The following G3BP1 variants were observed in gnomAD, a reference collection of about 807,000 sequenced individuals.
G3BP1 encodes the protein ras GTPase-activating protein-binding protein 1.
Under a neutral mutation model 58.6 loss-of-function variants are expected in G3BP1, and 35 were observed. The observed-to-expected ratio is 0.60, with a 90% CI of 0.46 to 0.79. The LOEUF is 0.79. Among genes scored for constraint, G3BP1 ranks in the 30% least tolerant of loss-of-function variants. The pLI, the probability that G3BP1 is intolerant of heterozygous loss-of-function variation, is 0.00. For missense variants in G3BP1, 523 were observed against 580.8 expected (o/e 0.90, Z 1.02); for synonymous variants, 191 against 195.4 (o/e 0.98, Z 0.19).
chr5:151,783,952 G>A (rs930835697), intron 1 of G3BP1, among the ~76,000 whole-genome samples: 11 of 151,720 alleles, frequency 7.3e-5, no homozygotes, highest in African/African-American at 2.7e-4. Context: ...TAGTAGAAAT[G>A]GGGCTTCACC....
intron 8 of G3BP1, 120 bp downstream of exon 8, chr5:151,799,433 C>G: frequency 1.5e-6 from 1 of 658,454 alleles, no homozygotes; most frequent in Non-Finnish European, 2.8e-6. Flanking sequence ...TGCCTGTAAT[C>G]CCAGCACTTT....
At chr5:151,796,284 A>G (rs935878240) in intron 6 of G3BP1, among the ~76,000 whole-genome samples, 1 of 152,136 alleles carries the variant, frequency 6.6e-6, no homozygotes, top group African/African-American at 2.4e-5. Context: ...TTTTTGTTCT[A>G]TTGAGACAGA....
At chr5:151,778,930 G>T (rs1561530534) in intron 1 of G3BP1, among the ~76,000 whole-genome samples, 1 of 151,852 alleles carries the variant, frequency 6.6e-6, no homozygotes, top group Non-Finnish European at 1.5e-5. Flanking sequence ...GGTGGTGTGT[G>T]CTTGTAATCC....
chr5:151,795,168 C>T (rs972438771), intron 5 of G3BP1, among the ~76,000 whole-genome samples: 1 of 152,114 alleles, frequency 6.6e-6, no homozygotes, highest in South Asian at 2.1e-4. Context: ...CCTAGCTATT[C>T]GGGAGACTGA....
chr5:151,776,578 A>G (rs1446757915), intron 1 of G3BP1, among the ~76,000 whole-genome samples: 2 of 151,162 alleles, frequency 1.3e-5, no homozygotes, highest in Admixed American at 6.6e-5. Context: ...GATTTTTTTT[A>G]TTTTCCTCAT....
chr5:151,802,747 C>CA (rs1762874922), intron 11 of G3BP1, among the ~76,000 whole-genome samples: 1 of 152,182 alleles, frequency 6.6e-6, no homozygotes, highest in African/African-American at 2.4e-5. Context: ...TCCTGGCTAA[C>CA]ACGGTGAAAC....
At chr5:151,776,897 CTT>C (rs199646127) in intron 1 of G3BP1, among the ~76,000 whole-genome samples, 28 of 130,514 alleles carry the variant, frequency 2.1e-4, no homozygotes, top group Non-Finnish European at 2.9e-4. Context: ...GTTGTTCCAG[CTT>C]TTTTTTTTTT....
Position 151,810,622 on chromosome 5 carries a change from A to G in G3BP1, c.*6531A>G, listed in dbSNP as rs1581587905. 2.0e-5 allele frequency: 3 copies of G among 152,346 alleles called. No homozygotes were observed. Among genetic ancestry groups the G allele is most frequent in the East Asian group, 3.9e-4 (2 of 5,180 alleles). 9.4% of individuals were successfully genotyped at this position (152,346 alleles called of 1,614,324 possible). A position where few individuals can be genotyped will look rare whatever the true frequency, so the allele number is the denominator to read the frequency against. On this transcript the variant is annotated 3_prime_UTR_variant, in exon 12 of 12. Coordinates refer to ENST00000356245, the MANE Select transcript of G3BP1 (RefSeq NM_005754.3). Reference sequence around the variant, plus strand: ...CTACTTTACTAGACTGTAAGCTCCTAGAAGATAAGGACTAGGGAGTTCATC... The same window carrying G: ...CTACTTTACTAGACTGTAAGCTCCTGGAAGATAAGGACTAGGGAGTTCATC...
At position 151,790,878 on chromosome 5, in the gene G3BP1, A is replaced by AT; in HGVS notation, c.178-4dup. ...TCAGTTGATTATTATTATTATTATTATTTTTTTAAGGAAATCCACAGGAAA... is the reference window on the plus strand; with the variant it reads ...TCAGTTGATTATTATTATTATTATTATTTTTTTTAAGGAAATCCACAGGAAA... On this transcript the variant is annotated splice_polypyrimidine_tract_variant and intron_variant, in intron 3 of 11. Coordinates refer to ENST00000356245, the MANE Select transcript of G3BP1 (RefSeq NM_005754.3). The AT allele has an allele frequency of 4.8e-6, 7 of 1,448,194 alleles. No individual in the cohort carries two copies. Among genetic ancestry groups the AT allele is most frequent in the Non-Finnish European group, 5.7e-6 (6 of 1,050,608 alleles). The allele number at this position is 1,448,194 out of a possible 1,614,324, so 89.7% of individuals were successfully genotyped here. A position where few individuals can be genotyped will look rare whatever the true frequency, so the allele number is the denominator to read the frequency against.
intron 1 of G3BP1, chr5:151,772,267 C>G (rs1762280105): frequency 6.6e-6 from 1 of 151,148 alleles, no homozygotes; most frequent in Non-Finnish European, 1.5e-5. Context: ...GCCGCGTGCG[C>G]GTGCTGCGTC....
chr5:151,776,897 C>G (rs1028716068), intron 1 of G3BP1, among the ~76,000 whole-genome samples: 37 of 130,592 alleles, frequency 2.8e-4, no homozygotes, highest in African/African-American at 1.0e-3. Flanking sequence ...GTTGTTCCAG[C>G]TTTTTTTTTT....
chr5:151,790,975 T>C lies in G3BP1; in HGVS notation c.264T>C (p.Asp88=), dbSNP rs1581577865. ...TTGATGCTCATGCCACGCTAAATGA[T>C]GGTGTGGTAGTCCAGGTGATGGGGC... ...RHVDAHATLN[D]GVVVQVMGLL... The change falls in exon 4 of 12, where the codon GAT becomes GAC. Residue 88 remains aspartate, a synonymous_variant. Transcript: ENST00000356245. 1.2e-6 allele frequency: 2 copies of C among 1,613,090 alleles called. No individual in the cohort carries two copies. Among genetic ancestry groups the C allele is most frequent in the Non-Finnish European group, 1.7e-6 (2 of 1,179,350 alleles).
At chr5:151,799,137 G>T in intron 7 of G3BP1, 75 bp from the exon 8 acceptor site, 1 of 778,986 alleles carries the variant, frequency 1.3e-6, no homozygotes, top group African/African-American at 1.7e-5. Context: ...TTCTGTACAG[G>T]AAATCAAGAG....
intron 2 of G3BP1, chr5:151,787,903 GTGTGTGTGTGCA>G: frequency 5.2e-6 from 1 of 192,270 alleles, no homozygotes; most frequent in Non-Finnish European, 1.1e-5. Context: ...TCTCGTGTGT[GTGTGTGTGTGCA>G]TGTGTGTGTG....
rs759164636 is a variant in G3BP1 at position 151,803,975 on chromosome 5, C to A, written c.1285C>A (p.Arg429=). 2 of 1,613,828 alleles carry A rather than the reference C, an allele frequency of 1.2e-6. No individual in the cohort carries two copies. Among genetic ancestry groups the A allele is most frequent in the Middle Eastern group, 1.6e-4 (1 of 6,062 alleles). The stretch of plus-strand genomic sequence containing the variant: ...AGGCGACCGACGAGATAATCGCCTT[C>A]GGGGACCTGGAGGCCCTCGAGGTGG... ...REGDRRDNRL[R]GPGGPRGGLG... is the part of the protein sequence containing the mutation. The change falls in exon 12 of 12, where the codon CGG becomes AGG. Residue 429 remains arginine (R), a synonymous_variant. Coordinates refer to ENST00000356245, the MANE Select transcript of G3BP1 (RefSeq NM_005754.3).
chr5:151,791,033 T>C lies in G3BP1; in HGVS notation c.322T>C (p.Phe108Leu). The change falls in exon 4 of 12, where the codon TTC (phenylalanine) becomes CTC (leucine). Residue 108 changes from phenylalanine (F) to leucine (L), a missense_variant. Phe to Leu is a conservative substitution (Grantham distance 22). Coordinates refer to ENST00000356245, the MANE Select transcript of G3BP1 (RefSeq NM_005754.3). ...TAACAACAACCAGGCTTTGAGGAGA[T>C]TCATGCAAACGTTTGTCCTTGCTCC... ...LSNNNQALRRFMQTFVLAPEG... is the reference protein window; with the variant it reads ...LSNNNQALRRLMQTFVLAPEG... 1 of 1,613,902 alleles carries C rather than the reference T, an allele frequency of 6.2e-7. No individual in the cohort carries two copies.
In G3BP1 at chr5:151,804,633, T is replaced by A. The variant is rs973952302; in HGVS notation, c.*542T>A. On this transcript the variant is annotated 3_prime_UTR_variant, in exon 12 of 12. Transcript: ENST00000356245. The stretch of plus-strand genomic sequence containing the variant: ...TTGACAATTTTGATTCTCACTGGTA[T>A]GTTTAAAAACTGAATAAAAGGAATA... 1.3e-5 allele frequency: 2 copies of A among 152,652 alleles called. No homozygotes were observed. The highest frequency in any genetic ancestry group is 2.4e-5 in the African/African-American group (1 of 41,452). The allele number at this position is 152,652 out of a possible 1,614,324, so 9.5% of individuals were successfully genotyped here.
intron 2 of G3BP1, among the ~76,000 whole-genome samples, chr5:151,789,989 C>CAT (rs774367604): frequency 2.0e-4 from 30 of 151,536 alleles, no homozygotes; most frequent in Non-Finnish European, 3.7e-4. Flanking sequence ...GCCTGGGCAA[C>CAT]ATAGTTGACC....
chr5:151,792,262 T>G (rs1012400039), intron 4 of G3BP1: 1 of 265,004 alleles, frequency 3.8e-6, no homozygotes, highest in African/African-American at 2.3e-5. Context: ...AATTGTTGAT[T>G]AAATCATTGT....
Sources: gnomAD v4.1 joint callset for allele counts (sites outside exome capture counted in the v4.1 genomes callset) on GRCh38, gnomAD v4.1.1 for gene constraint, MANE v1.5 for transcripts, NCBI Gene and HGNC (gene_info 2026-07-23, HGNC 2026-07-21) for gene names.